QRSL1: variants seen among roughly 807,000 people sequenced by gnomAD.
QRSL1 encodes the protein glutamyl-tRNA(Gln) amidotransferase subunit A, mitochondrial.
QRSL1 carries 54 observed loss-of-function variants against 61.6 expected under a neutral mutation model. The observed-to-expected ratio is 0.88, with a 90% CI of 0.70 to 1.10. QRSL1 has a LOEUF of 1.10. Ranked by LOEUF, QRSL1 falls within the 50% of genes least tolerant of loss-of-function variation. QRSL1 has a pLI of 0.00. For synonymous variants in QRSL1, 228 were observed against 225.7 expected (o/e 1.01, Z -0.09); for missense variants, 505 against 622.6 (o/e 0.81, Z 2.01).
At chr6:106,665,732 C>G in intron 10 of QRSL1, 50 bp from the exon 11 acceptor site, 1 of 1,510,836 alleles carries the variant, frequency 6.6e-7, no homozygotes, top group African/African-American at 1.4e-5. Context: ...GAGGTCTCTG[C>G]TAATTAGGGT....
At chr6:106,660,293 A>G (rs1471289268) in intron 9 of QRSL1, among the ~76,000 whole-genome samples, 1 of 151,890 alleles carries the variant, frequency 6.6e-6, no homozygotes, top group Admixed American at 6.6e-5. Flanking sequence ...TCGACCTCCC[A>G]GGCTCAAGCT....
chr6:106,655,514 C>CA lies in QRSL1; in HGVS notation c.1043-82dup, dbSNP rs35970346. On this transcript the variant is annotated intron_variant, in intron 8 of 10. Coordinates refer to ENST00000369046, the MANE Select transcript of QRSL1 (RefSeq NM_018292.5). ...TAGGTGACAGAGTGAGACTCCATCT[C>CA]AAAAAAAAAAAAAAAAAAAGTGAAT... 115,101 of 410,186 alleles carry CA rather than the reference C, an allele frequency of 0.28. 7,839 individuals are homozygous for CA. Among genetic ancestry groups the CA allele is most frequent in the African/African-American group, 0.34 (10,771 of 31,890 alleles). 25.4% of individuals were successfully genotyped at this position (410,186 alleles called of 1,614,324 possible). A position where few individuals can be genotyped will look rare whatever the true frequency, so the allele number is the denominator to read the frequency against.
chr6:106,658,925 ATGT>A (rs1189845886), intron 9 of QRSL1, among the ~76,000 whole-genome samples: 1 of 151,862 alleles, frequency 6.6e-6, no homozygotes, highest in Non-Finnish European at 1.5e-5. Flanking sequence ...AATCTGCCTG[ATGT>A]TGTCCCACAG....
chr6:106,656,380 A>C (rs1165797208), intron 9 of QRSL1, among the ~76,000 whole-genome samples: 4 of 152,212 alleles, frequency 2.6e-5, no homozygotes, highest in African/African-American at 9.6e-5. Context: ...AATGTATTGA[A>C]TCAACTTAGT....
chr6:106,640,483 A>C lies in QRSL1; in HGVS notation c.159A>C (p.Glu53Asp). 3 of 1,587,112 alleles carry C rather than the reference A, an allele frequency of 1.9e-6. No homozygotes were observed. The highest frequency in any genetic ancestry group is 2.6e-6 in the Non-Finnish European group (3 of 1,171,380). The change falls in exon 2 of 11, where the codon GAA becomes GAC. Residue 53 changes from glutamate (E) to aspartate (D), a missense_variant. Physicochemically the swap from Glu to Asp is conservative, Grantham distance 45. Transcript: ENST00000369046. ...VSEEVALKQA[E>D]ESEKRYKNGQ... ...AAGAGGTGGCCTTAAAACAAGCTGAAGAATCAGAAAAGAGATATAAGAATG... is the reference window on the plus strand; with the variant it reads ...AAGAGGTGGCCTTAAAACAAGCTGACGAATCAGAAAAGAGATATAAGAATG...
At chr6:106,653,907 C>A (rs943355828) in intron 7 of QRSL1, 3 of 151,790 alleles carry the variant, frequency 2.0e-5, no homozygotes, top group Admixed American at 2.0e-4. Flanking sequence ...TTAAAACAGA[C>A]CCAGTTTGAA....
rs531049450 is a variant in QRSL1 at position 106,630,554 on chromosome 6, G to T, written c.24+849G>T. ...CGGGTCTTTTTGCTTCCTGGTTCAC[G>T]TCACTCAACCTTAGAACTGTCTGCA... On this transcript the variant is annotated intron_variant, in intron 1 of 10. Transcript: ENST00000369046. 2.6e-5 allele frequency among the ~76,000 whole-genome samples: 4 copies of T among 152,134 alleles called. No individual in the cohort carries two copies. In the East Asian group the frequency reaches 7.7e-4, roughly 29 times the overall value.
At chr6:106,652,110 G>T in intron 5 of QRSL1, 99 bp from the exon 6 acceptor site, 1 of 1,219,626 alleles carries the variant, frequency 8.2e-7, no homozygotes, top group East Asian at 2.5e-5. Context: ...TGTGTAATCA[G>T]AGGAAAATAC....
At chr6:106,632,843 A>G (rs1308088129) in intron 1 of QRSL1, among the ~76,000 whole-genome samples, 3 of 152,138 alleles carry the variant, frequency 2.0e-5, no homozygotes, top group Admixed American at 2.0e-4. Context: ...AACTCCTTAT[A>G]TACTTCGGTT....
intron 4 of QRSL1, among the ~76,000 whole-genome samples, chr6:106,648,252 C>A (rs6900258): frequency 1.8e-3 from 278 of 151,372 alleles, no homozygotes; most frequent in African/African-American, 6.5e-3. Context: ...GCCGAGATCG[C>A]GCCACTGCAC....
intron 1 of QRSL1, 65 bp from the exon 2 acceptor site, chr6:106,640,284 C>A (rs934803041): frequency 1.4e-6 from 2 of 1,435,750 alleles, no homozygotes; most frequent in Non-Finnish European, 1.9e-6. Context: ...CCCCCACCCC[C>A]ACCAATATAA....
intron 1 of QRSL1, among the ~76,000 whole-genome samples, chr6:106,637,938 C>T (rs532226662): frequency 1.3e-5 from 2 of 152,208 alleles, no homozygotes; most frequent in East Asian, 1.9e-4. Context: ...TAATGCAAAT[C>T]GGCACCATTT....
chr6:106,645,663 C>T (rs1240244854), intron 4 of QRSL1, among the ~76,000 whole-genome samples: 6 of 152,274 alleles, frequency 3.9e-5, no homozygotes, highest in East Asian at 1.9e-4. Context: ...CCTTGTGATC[C>T]GCCCGCCTCG....
chr6:106,652,570 A>G lies in QRSL1; in HGVS notation c.837A>G (p.Ile279Met), dbSNP rs772742020. 1 of 1,614,228 alleles carries G rather than the reference A, an allele frequency of 6.2e-7. No individual in the cohort carries two copies. Among genetic ancestry groups the G allele is most frequent in the South Asian group, 1.1e-5 (1 of 91,090 alleles). ...TGGCAGATGTGAGCAAACTATGTAT[A>G]GGAATTCCAAAGGTAACTTTTTCCT... ...PSLADVSKLC[I>M]GIPKEYLVPE... The change falls in exon 7 of 11, where the codon ATA (isoleucine) becomes ATG (methionine). Residue 279 changes from isoleucine (I) to methionine (M), a missense_variant. Transcript: ENST00000369046.
intron 1 of QRSL1, among the ~76,000 whole-genome samples, chr6:106,638,126 G>A (rs1338282477): frequency 5.9e-5 from 9 of 152,182 alleles, no homozygotes; most frequent in South Asian, 2.1e-4. Context: ...TTACAACTTA[G>A]CCATGGGATG....
intron 1 of QRSL1, among the ~76,000 whole-genome samples, chr6:106,638,538 A>G (rs1776958943): frequency 6.6e-6 from 1 of 152,142 alleles, no homozygotes; most frequent in South Asian, 2.1e-4. Context: ...TCCCAACCTC[A>G]GGTGGTCTGT....
chr6:106,652,483 T>C lies in QRSL1; in HGVS notation c.750T>C (p.Pro250=). 6.2e-7 allele frequency: 1 copy of C among 1,614,246 alleles called. No individual in the cohort carries two copies. Reference sequence around the variant, plus strand: ...TCCTTACAGGTGCACTGGCCGGACCTGACCCCAGGGACTCTACCACAGTAC... The same window carrying C: ...TCCTTACAGGTGCACTGGCCGGACCCGACCCCAGGGACTCTACCACAGTAC... The part of the protein sequence containing the change: ...AAIVLGALAG[P]DPRDSTTVHE... The change falls in exon 7 of 11, where the codon CCT becomes CCC. Residue 250 remains proline (P), a synonymous_variant. Coordinates refer to ENST00000369046, the MANE Select transcript of QRSL1 (RefSeq NM_018292.5).
chr6:106,661,291 A>ATTT (rs1243547383), intron 9 of QRSL1, among the ~76,000 whole-genome samples: 1 of 151,648 alleles, frequency 6.6e-6, no homozygotes, highest in African/African-American at 2.4e-5. Flanking sequence ...ATTTTTTTGT[A>ATTT]TTTTTAGTAG....
At position 106,655,696 on chromosome 6, in the gene QRSL1, G is replaced by A. The variant is rs1454535957; in HGVS notation, c.1124G>A (p.Gly375Glu). ...GAAGGGTTTAATGATGTGGTGAGAG[G>A]AAGAATTCTCTCAGGAAACTTTTTC... ...RREGFNDVVR[G>E]RILSGNFFLL... is the part of the protein sequence containing the mutation. The change falls in exon 9 of 11, where the codon GGA becomes GAA. Residue 375 changes from glycine to glutamate, a missense_variant. By Grantham distance (98) the Gly-to-Glu change is moderately conservative. Transcript: ENST00000369046. 2 of 1,612,628 alleles carry A rather than the reference G, an allele frequency of 1.2e-6. No homozygotes were observed. The highest frequency in any genetic ancestry group is 1.1e-5 in the South Asian group (1 of 91,038).
Sources: gnomAD v4.1 joint callset for allele counts (sites outside exome capture counted in the v4.1 genomes callset) on GRCh38, gnomAD v4.1.1 for gene constraint, MANE v1.5 for transcripts, NCBI Gene and HGNC (gene_info 2026-07-23, HGNC 2026-07-21) for gene names.